GPC5: variants seen among roughly 807,000 people sequenced by gnomAD.
The protein encoded by GPC5 is glypican 5, also known as glypican-5.
GPC5 carries 47 observed loss-of-function variants against 53.9 expected under a neutral mutation model. The observed-to-expected ratio is 0.87, with a 90% confidence interval of 0.69 to 1.11. The LOEUF (loss-of-function observed/expected upper bound fraction) is 1.11, where lower values mean the gene tolerates loss of function less well. Among genes scored for constraint, GPC5 ranks in the 50% most tolerant of loss-of-function variants. The probability of loss-of-function intolerance (pLI) is 0.00; values close to 1 mark genes in which losing one functional copy is unlikely to be tolerated. For missense variants in GPC5, 748 were observed against 713.1 expected, an observed-to-expected ratio of 1.05 and a Z score of -0.56; for synonymous variants, 286 against 263.3, an observed-to-expected ratio of 1.09 and a Z score of -0.84.
chr13:91,513,845 C>T (rs1885362157), intron 2 of GPC5, among the ~76,000 whole-genome samples: 2 of 152,144 alleles, frequency 1.3e-5, no homozygotes. Context: ...CTTGTAATTC[C>T]TGAAAAACAC....
chr13:92,618,070 A>AT (rs1024295228), intron 7 of GPC5, among the ~76,000 whole-genome samples: 3 of 152,188 alleles, frequency 2.0e-5, no homozygotes, highest in African/African-American at 7.2e-5. Context: ...AAAACTTGTC[A>AT]TGCAAATGGT....
chr13:92,697,482 T>G (rs945141878), intron 7 of GPC5, among the ~76,000 whole-genome samples: 3 of 152,214 alleles, frequency 2.0e-5, no homozygotes, highest in African/African-American at 7.2e-5. Flanking sequence ...ATTTCACTCA[T>G]GACTTGGCTA....
chr13:91,662,963 G>A (rs2035020291), intron 2 of GPC5, among the ~76,000 whole-genome samples: 1 of 152,196 alleles, frequency 6.6e-6, no homozygotes, highest in Admixed American at 6.5e-5. Context: ...GCTGTGAGAG[G>A]AAACTGGAAC....
chr13:92,268,847 T>C (rs2042820868), intron 7 of GPC5, among the ~76,000 whole-genome samples: 2 of 152,132 alleles, frequency 1.3e-5, no homozygotes, highest in African/African-American at 4.8e-5. Flanking sequence ...ATGTAACTAA[T>C]CTTTCAAAGT....
At chr13:92,724,267 C>A (rs1000772009) in intron 7 of GPC5, among the ~76,000 whole-genome samples, 3 of 151,424 alleles carry the variant, frequency 2.0e-5, no homozygotes, top group Admixed American at 6.6e-5. Context: ...GAGAATTTAT[C>A]ATTTTTAGCA....
intron 2 of GPC5, among the ~76,000 whole-genome samples, chr13:91,636,403 T>C (rs2034285866): frequency 6.6e-6 from 1 of 152,088 alleles, no homozygotes; most frequent in African/African-American, 2.4e-5. Flanking sequence ...ACATTATGTG[T>C]GTGTGTATAT....
At chr13:92,043,827 C>G (rs1328579788) in intron 6 of GPC5, among the ~76,000 whole-genome samples, 1 of 152,142 alleles carries the variant, frequency 6.6e-6, no homozygotes, top group East Asian at 1.9e-4. Flanking sequence ...GGAACCAAAA[C>G]TTTTGAAGAA....
At chr13:92,628,759 C>G (rs749617656) in intron 7 of GPC5, among the ~76,000 whole-genome samples, 7 of 152,134 alleles carry the variant, frequency 4.6e-5, no homozygotes, top group Non-Finnish European at 7.4e-5. Flanking sequence ...AGTTGAGACT[C>G]TCATTGGCCT....
chr13:92,272,955 C>G (rs1300251351), intron 7 of GPC5, among the ~76,000 whole-genome samples: 3 of 151,888 alleles, frequency 2.0e-5, no homozygotes, highest in South Asian at 2.1e-4. Context: ...TGAAAATGAG[C>G]GATGAGAGAG....
At chr13:92,613,964 T>A (rs1884593781) in intron 7 of GPC5, among the ~76,000 whole-genome samples, 1 of 152,078 alleles carries the variant, frequency 6.6e-6, no homozygotes, top group East Asian at 1.9e-4. Context: ...ACCAAGTCAG[T>A]ATTCAGTATG....
chr13:91,632,424 T>C (rs574890291), intron 2 of GPC5, among the ~76,000 whole-genome samples: 1 of 152,280 alleles, frequency 6.6e-6, no homozygotes, highest in Admixed American at 6.5e-5. Flanking sequence ...GATTGGTTTA[T>C]CTATTCACCC....
intron 6 of GPC5, among the ~76,000 whole-genome samples, chr13:92,077,917 C>T (rs1251566631): frequency 2.0e-5 from 3 of 151,942 alleles, no homozygotes; most frequent in Middle Eastern, 3.4e-3. Flanking sequence ...ACTTGATAGA[C>T]GTAGATATAG....
rs2042171542 is a variant in GPC5, at chr13:92,184,637, C to A, written c.1561+39648C>A. On this transcript the variant is annotated intron_variant, in intron 7 of 7. Coordinates refer to ENST00000377067, the MANE Select transcript of GPC5 (RefSeq NM_004466.6). ...AATTCTGTTAGGAAACCTGAAGATACTTTTTTGTTGAAAATTTAGCTATGC... is the reference window on the plus strand; with the variant it reads ...AATTCTGTTAGGAAACCTGAAGATAATTTTTTGTTGAAAATTTAGCTATGC... Among the ~76,000 whole-genome samples the A allele has an allele frequency of 1.3e-5, 2 of 152,138 alleles. 1 individual carries two copies. Among genetic ancestry groups the A allele is most frequent in the Admixed American group, 1.3e-4 (2 of 15,276 alleles).
chr13:92,639,973 TC>T (rs1187611739), intron 7 of GPC5, among the ~76,000 whole-genome samples: 8 of 145,374 alleles, frequency 5.5e-5, no homozygotes, highest in African/African-American at 1.9e-4. Flanking sequence ...TTTTTTTTTT[TC>T]TCTCTCTCTC....
intron 6 of GPC5, among the ~76,000 whole-genome samples, chr13:91,935,886 C>G (rs2039866030): frequency 6.6e-6 from 1 of 151,784 alleles, no homozygotes; most frequent in Non-Finnish European, 1.5e-5. Context: ...GATGAAATTG[C>G]CTAGGGAAAT....
intron 7 of GPC5, among the ~76,000 whole-genome samples, chr13:92,176,035 T>C (rs891467845): frequency 2.6e-5 from 4 of 152,218 alleles, no homozygotes; most frequent in African/African-American, 7.2e-5. Context: ...TGAAGTTTGC[T>C]CCTTACCCAT....
At chr13:92,866,192 G>A (rs1378394376) in intron 7 of GPC5, 90 bp from the exon 8 acceptor site, 1 of 1,135,392 alleles carries the variant, frequency 8.8e-7, no homozygotes, top group Non-Finnish European at 1.2e-6. Context: ...CAAAAACAAT[G>A]CTGTCCACAC....
intron 7 of GPC5, among the ~76,000 whole-genome samples, chr13:92,786,379 T>C (rs1403037161): frequency 1.3e-5 from 2 of 152,038 alleles, no homozygotes; most frequent in East Asian, 3.9e-4. Flanking sequence ...TGTAGCTTGT[T>C]GTGGTAAGTT....
chr13:91,626,452 A>C lies in GPC5; in HGVS notation c.326-66735A>C, dbSNP rs1182779411. On this transcript the variant is annotated intron_variant, in intron 2 of 7. Transcript: ENST00000377067. ...TACCTGCCTAGAGGGTTTCTTGTGA[A>C]GGTCAAATGGCTACCCTGTATAAAA... 2.0e-5 allele frequency among the ~76,000 whole-genome samples: 3 copies of C among 152,180 alleles called. No individual in the cohort carries two copies. In the East Asian group the frequency reaches 5.8e-4, roughly 30 times the overall value.
Sources: allele counts gnomAD v4.1 joint callset (sites outside exome capture counted in the v4.1 genomes callset), GRCh38; gene constraint gnomAD v4.1.1; transcripts MANE v1.5; gene names NCBI Gene and HGNC (gene_info 2026-07-23, HGNC 2026-07-21).